HCLS1: variants seen among roughly 807,000 people sequenced by gnomAD.
HCLS1 encodes the protein hematopoietic lineage cell-specific protein.
Under a neutral mutation model 68.6 loss-of-function variants are expected in HCLS1, and 44 were observed. The observed-to-expected ratio is 0.64, with a 90% CI of 0.50 to 0.82. The LOEUF is 0.82. Among genes scored for constraint, HCLS1 ranks in the 40% least tolerant of loss-of-function variants. HCLS1 has a pLI of 0.00. For synonymous variants in HCLS1, 217 were observed against 225.8 expected (o/e 0.96, Z 0.35); for missense variants, 602 against 612.1 (o/e 0.98, Z 0.17).
intron 1 of HCLS1, among the ~76,000 whole-genome samples, chr3:121,659,533 C>T (rs1203091173): frequency 6.6e-6 from 1 of 152,210 alleles, no homozygotes; most frequent in Non-Finnish European, 1.5e-5. Flanking sequence ...CACTTGAAAG[C>T]TCCATCTTCT....
At chr3:121,640,829 G>A (rs1375961678) in intron 6 of HCLS1, among the ~76,000 whole-genome samples, 3 of 123,032 alleles carry the variant, frequency 2.4e-5, no homozygotes, top group Non-Finnish European at 5.3e-5. Context: ...GGGGAGGGGA[G>A]GGGACGGGAG....
intron 11 of HCLS1, 150 bp downstream of exon 11, chr3:121,632,917 G>A (rs539208764): frequency 1.6e-6 from 1 of 617,004 alleles, no homozygotes; most frequent in African/African-American, 1.8e-5. Flanking sequence ...GTTTGCCCAG[G>A]ACAGAGGAGT....
Position 121,636,416 on chromosome 3 carries a change from GGT to G in HCLS1, c.621+16_621+17del. 6.3e-7 allele frequency: 1 copy of G among 1,596,780 alleles called. No homozygotes were observed. ...CTTAGGGAACTCTTCTTAAGACATTGGTGTTCCGGTGCTTTACCTTATCCACT... is the reference window on the plus strand; with the variant it reads ...CTTAGGGAACTCTTCTTAAGACATTGGTTCCGGTGCTTTACCTTATCCACT... On this transcript the variant is annotated intron_variant, in intron 8 of 13. Coordinates refer to ENST00000314583, the MANE Select transcript of HCLS1 (RefSeq NM_005335.6).
At chr3:121,644,069 A>G (rs1576464749) in intron 5 of HCLS1, 1 of 153,364 alleles carries the variant, frequency 6.5e-6, no homozygotes, top group East Asian at 1.9e-4. Context: ...ATGTCCACCT[A>G]ATTAACAACT....
intron 4 of HCLS1, among the ~76,000 whole-genome samples, chr3:121,647,053 C>T (rs1937622140): frequency 1.3e-5 from 2 of 149,186 alleles, no homozygotes. Context: ...ATGATCTCGG[C>T]TCACTGCAAG....
intron 2 of HCLS1, 147 bp from the exon 3 acceptor site, chr3:121,657,499 C>G: frequency 1.5e-6 from 1 of 672,718 alleles, no homozygotes; most frequent in South Asian, 1.8e-5. Context: ...CTATATTTAT[C>G]CCATCCTGAC....
Position 121,657,332 on chromosome 3 carries a change from C to T in HCLS1, c.105G>A (p.Glu35=). 3 of 1,614,072 alleles carry T rather than the reference C, an allele frequency of 1.9e-6. No homozygotes were observed. The East Asian group carries it at 6.7e-5, about 36-fold the overall frequency. ...CGATGGTCTTGGCTCCCCATCGTTG[C>T]TCCTTTTCAGAGATGTCATTCTGCA... ...PDFVNDISEK[E]QRWGAKTIEG... The change falls in exon 3 of 14, where the codon GAG becomes GAA. Residue 35 remains glutamate, a synonymous_variant. Transcript: ENST00000314583.
rs532234612 is a variant in HCLS1 at position 121,638,481 on chromosome 3, A to G, written c.455-1225T>C. On this transcript the variant is annotated intron_variant, in intron 6 of 13. Coordinates refer to ENST00000314583, the MANE Select transcript of HCLS1 (RefSeq NM_005335.6). ...CAGAAACGAAGCTCTGTCCACTCCT[A>G]TAAGAGAGTGCTAGAAAAATTCTAC... Among the ~76,000 whole-genome samples the G allele has an allele frequency of 4.1e-4, 62 of 152,322 alleles. No individual in the cohort carries two copies. The South Asian group carries it at 0.012, about 31-fold the overall frequency.
Position 121,633,146 on chromosome 3 carries a change from G to A in HCLS1, c.929C>T (p.Pro310Leu), listed in dbSNP as rs1311160270. ...SEAWPPVGTP[P>L]SSESEPVRTS... ...TCTCACAGGCTCAGACTCTGATGAT[G>A]GAGGAGTCCCAACTGGAGGCCAGGC... The change falls in exon 11 of 14, where the codon CCA becomes CTA. Residue 310 changes from proline (P) to leucine (L), a missense_variant. Physicochemically the swap from Pro to Leu is moderately conservative, Grantham distance 98. Coordinates refer to ENST00000314583, the MANE Select transcript of HCLS1 (RefSeq NM_005335.6). 1.2e-6 allele frequency: 2 copies of A among 1,611,356 alleles called. No individual in the cohort carries two copies. The highest frequency in any genetic ancestry group is 1.3e-5 in the African/African-American group (1 of 74,870).
At chr3:121,632,607 G>A in intron 11 of HCLS1, 44 bp from the exon 12 acceptor site, 1 of 1,571,346 alleles carries the variant, frequency 6.4e-7, no homozygotes, top group Non-Finnish European at 8.7e-7. Flanking sequence ...CACTTTCCAG[G>A]AGGAATCAAT....
At chr3:121,649,803 A>G (rs1937703674) in intron 3 of HCLS1, among the ~76,000 whole-genome samples, 1 of 152,222 alleles carries the variant, frequency 6.6e-6, no homozygotes, top group African/African-American at 2.4e-5. Flanking sequence ...ATGTGAACCA[A>G]GCAAAATGTA....
At chr3:121,635,194 CTT>C (rs1468684767) in intron 9 of HCLS1, among the ~76,000 whole-genome samples, 1 of 151,096 alleles carries the variant, frequency 6.6e-6, no homozygotes, top group Non-Finnish European at 1.5e-5. Context: ...TTCTCTCTTT[CTT>C]TCTTTTCTTT....
intron 3 of HCLS1, 28 bp downstream of exon 3, chr3:121,657,251 C>A (rs747416232): frequency 1.2e-6 from 2 of 1,601,054 alleles, no homozygotes; most frequent in African/African-American, 2.7e-5. Context: ...TAACCCCCTT[C>A]CTTTTCTCCA....
In HCLS1 at chr3:121,644,839, A is replaced by C; in HGVS notation, c.378T>G (p.Val126=). 1 of 1,613,840 alleles carries C rather than the reference A, an allele frequency of 6.2e-7. No homozygotes were observed. The highest frequency in any genetic ancestry group is 8.5e-7 in the Non-Finnish European group (1 of 1,179,738). The change falls in exon 5 of 14, where the codon GTT becomes GTG. Residue 126 remains valine, a synonymous_variant. Transcript: ENST00000314583. ...TTACCTTGTCTGCCCTGTCCCTCTC[A>C]ACTCCGTACTTGCCCCCAAAGCCTT... ...AAKGFGGKYG[V]ERDRADKSAV... is the part of the protein sequence containing the mutation.
intron 5 of HCLS1, 150 bp from the exon 6 acceptor site, chr3:121,643,131 G>A: frequency 1.5e-6 from 1 of 648,834 alleles, no homozygotes; most frequent in Non-Finnish European, 2.8e-6. Flanking sequence ...GGCTGGTATG[G>A]ACACAGGATA....
chr3:121,637,387 AG>A (rs773441425), intron 6 of HCLS1, 131 bp from the exon 7 acceptor site: 204 of 637,254 alleles, frequency 3.2e-4, no homozygotes, highest in Non-Finnish European at 5.4e-4. Context: ...GCTTGAATAC[AG>A]GGGAATTAAA....
At chr3:121,656,169 A>G (rs1038931222) in intron 3 of HCLS1, 5 of 152,132 alleles carry the variant, frequency 3.3e-5, no homozygotes, top group African/African-American at 1.2e-4. Flanking sequence ...ATTTCTGATT[A>G]AACAATGTGG....
At chr3:121,637,096 A>G (rs747040676) in intron 7 of HCLS1, 50 bp downstream of exon 7, 159 of 1,249,270 alleles carry the variant, frequency 1.3e-4, no homozygotes, top group Middle Eastern at 7.4e-4. Flanking sequence ...AAAGGAAGGA[A>G]GGAGATCCCT....
At chr3:121,656,234 G>A (rs1289543458) in intron 3 of HCLS1, 1 of 152,156 alleles carries the variant, frequency 6.6e-6, no homozygotes, top group African/African-American at 2.4e-5. Flanking sequence ...TGTTGCTTGT[G>A]CAATGTGGTC....
Sources: allele counts gnomAD v4.1 joint callset (sites outside exome capture counted in the v4.1 genomes callset), GRCh38; gene constraint gnomAD v4.1.1; transcripts MANE v1.5; gene names NCBI Gene and HGNC (gene_info 2026-07-23, HGNC 2026-07-21).